Variants in PIKFYVE observed in about 807,000 individuals in gnomAD.
PIKFYVE encodes the protein 1-phosphatidylinositol 3-phosphate 5-kinase.
PIKFYVE carries 122 observed loss-of-function variants against 257.9 expected under a neutral mutation model. That is an observed-to-expected ratio of 0.47 (90% CI 0.41 to 0.55). The LOEUF (loss-of-function observed/expected upper bound fraction) is 0.55. PIKFYVE is among the 20% of genes least tolerant of loss of function. The probability of loss-of-function intolerance (pLI) is 0.00; values close to 1 mark genes in which losing one functional copy is unlikely to be tolerated. For synonymous variants in PIKFYVE, 892 were observed against 868.9 expected (o/e 1.03, Z -0.47); for missense variants, 2,160 against 2,536.6 (o/e 0.85, Z 3.19).
chr2:208,280,320 T>C (rs557960037), intron 5 of PIKFYVE, among the ~76,000 whole-genome samples: 9 of 152,284 alleles, frequency 5.9e-5, no homozygotes, highest in African/African-American at 2.2e-4. Flanking sequence ...TCTAACTGTA[T>C]GTTCTAGAAC....
chr2:208,271,743 G>A, intron 2 of PIKFYVE, 52 bp downstream of exon 2: 1 of 1,553,168 alleles, frequency 6.4e-7, no homozygotes, highest in Non-Finnish European at 8.9e-7. Flanking sequence ...TGTTTGAAAT[G>A]CTCCTTTGTC....
intron 28 of PIKFYVE, 55 bp downstream of exon 28, chr2:208,336,983 C>T: frequency 7.7e-7 from 1 of 1,302,544 alleles, no homozygotes; most frequent in Non-Finnish European, 1.1e-6. Context: ...TAGTTAGTTT[C>T]ATTTATAATA....
Position 208,353,686 on chromosome 2 carries a change from T to C in PIKFYVE, c.5845-212T>C, listed in dbSNP as rs750889360. Among the ~76,000 whole-genome samples the C allele has an allele frequency of 5.3e-5, 8 of 152,176 alleles. No homozygotes were observed. The East Asian group carries it at 5.8e-4, about 11-fold the overall frequency. On this transcript the variant is annotated intron_variant, in intron 39 of 41. Coordinates refer to ENST00000264380, the MANE Select transcript of PIKFYVE (RefSeq NM_015040.4). The stretch of plus-strand genomic sequence containing the variant: ...GTACCTAGGTGTTAATTTTAAATGA[T>C]AGAATTATGTTACTGTGTATTTTAT...
At chr2:208,353,749 A>G in intron 39 of PIKFYVE, 149 bp from the exon 40 acceptor site, 2 of 923,278 alleles carry the variant, frequency 2.2e-6, no homozygotes, top group Non-Finnish European at 1.6e-6. Flanking sequence ...TTAAAAACTT[A>G]AAAATTATGA....
In PIKFYVE at chr2:208,318,033, A is replaced by T. The variant is rs540642150; in HGVS notation, c.2082+92A>T. ...GGCACCTTAGTTATGGAAGAAATGG[A>T]CAATGGACAATGAAAGGCAGCTGTG... On this transcript the variant is annotated intron_variant, in intron 16 of 41. Coordinates refer to ENST00000264380, the MANE Select transcript of PIKFYVE (RefSeq NM_015040.4). 4 of 1,290,164 alleles carry T rather than the reference A, an allele frequency of 3.1e-6. No individual in the cohort carries two copies. In the South Asian group the frequency reaches 3.6e-5, roughly 11 times the overall value. The allele number at this position is 1,290,164 out of a possible 1,614,324, so 79.9% of individuals were successfully genotyped here.
Position 208,355,942 on chromosome 2 carries a change from C to T in PIKFYVE, c.*637C>T, listed in dbSNP as rs563346457. The T allele has an allele frequency of 7.2e-5, 11 of 152,690 alleles. No individual in the cohort carries two copies. Among genetic ancestry groups the T allele is most frequent in the African/African-American group, 2.6e-4 (11 of 41,526 alleles). The allele number at this position is 152,690 out of a possible 1,614,324, so 9.5% of individuals were successfully genotyped here. ...TGATGTTTTTAAAATTTTGTCTTCT[C>T]TGTGGAAGACAGGAGGCTACAGCAA... On this transcript the variant is annotated 3_prime_UTR_variant, in exon 42 of 42. Transcript: ENST00000264380.
intron 22 of PIKFYVE, 98 bp downstream of exon 22, chr2:208,330,011 A>C (rs1697337797): frequency 1.3e-6 from 2 of 1,492,494 alleles, no homozygotes; most frequent in African/African-American, 2.8e-5. Context: ...AGTGACTGTT[A>C]CATGATCCTC....
At position 208,304,152 on chromosome 2, in the gene PIKFYVE, C is replaced by G; in HGVS notation, c.1321-19C>G. 1 of 1,613,720 alleles carries G rather than the reference C, an allele frequency of 6.2e-7. No homozygotes were observed. The highest frequency in any genetic ancestry group is 8.5e-7 in the Non-Finnish European group (1 of 1,179,710). On this transcript the variant is annotated intron_variant, in intron 10 of 41. Coordinates refer to ENST00000264380, the MANE Select transcript of PIKFYVE (RefSeq NM_015040.4). ...GCCATTGAAGGCCAATTGCTTGGAT[C>G]CTGTCTTCATCCTTTCAGAGTACAG...
At chr2:208,271,764 C>T (rs1689448563) in intron 2 of PIKFYVE, 73 bp downstream of exon 2, 1 of 1,418,040 alleles carries the variant, frequency 7.1e-7, no homozygotes, top group Admixed American at 1.8e-5. Flanking sequence ...TCCAGTGGCT[C>T]ACCATGATCA....
At chr2:208,300,872 A>C in intron 8 of PIKFYVE, 65 bp from the exon 9 acceptor site, 1 of 1,597,754 alleles carries the variant, frequency 6.3e-7, no homozygotes. Context: ...AATCACAGGA[A>C]AACATCTGAA....
intron 12 of PIKFYVE, among the ~76,000 whole-genome samples, chr2:208,308,556 A>C (rs576191494): frequency 1.2e-4 from 18 of 152,180 alleles, no homozygotes; most frequent in African/African-American, 4.3e-4. Context: ...TCTGAATGAA[A>C]CTTTTTACCC....
At chr2:208,330,154 G>C (rs1199392649) in intron 22 of PIKFYVE, among the ~76,000 whole-genome samples, 1 of 151,944 alleles carries the variant, frequency 6.6e-6, no homozygotes, top group Non-Finnish European at 1.5e-5. Context: ...ACATTTTTCG[G>C]ATACCTGTTT....
At chr2:208,330,373 C>A in intron 22 of PIKFYVE, 150 bp from the exon 23 acceptor site, 1 of 879,654 alleles carries the variant, frequency 1.1e-6, no homozygotes, top group Non-Finnish European at 1.8e-6. Context: ...GAAACTATCA[C>A]CGTGCTGTAG....
At chr2:208,273,851 C>G in intron 3 of PIKFYVE, 118 bp downstream of exon 3, 1 of 1,416,812 alleles carries the variant, frequency 7.1e-7, no homozygotes, top group East Asian at 2.3e-5. Context: ...TAGTAAGATA[C>G]TATTTGAAAT....
Position 208,333,297 on chromosome 2 carries a change from A to C in PIKFYVE, c.3964-18A>C, listed in dbSNP as rs773646150. 1 of 1,612,472 alleles carries C rather than the reference A, an allele frequency of 6.2e-7. No homozygotes were observed. The highest frequency in any genetic ancestry group is 1.1e-5 in the South Asian group (1 of 90,928). On this transcript the variant is annotated intron_variant, in intron 23 of 41. Transcript: ENST00000264380. Reference sequence around the variant, plus strand: ...TTCTCAATATGTGATTAGGTAAACTATTTTTGCTGAATTCCAGGTAACACC... The same window carrying C: ...TTCTCAATATGTGATTAGGTAAACTCTTTTTGCTGAATTCCAGGTAACACC...
At chr2:208,281,905 A>G (rs905000846) in intron 5 of PIKFYVE, among the ~76,000 whole-genome samples, 1 of 152,190 alleles carries the variant, frequency 6.6e-6, no homozygotes, top group African/African-American at 2.4e-5. Context: ...ATTTTTAACA[A>G]TCTTAGCACT....
chr2:208,314,899 GAAAA>G (rs1359434565), intron 14 of PIKFYVE, among the ~76,000 whole-genome samples: 2 of 19,044 alleles, frequency 1.1e-4, no homozygotes, highest in African/African-American at 1.4e-4. Context: ...TCGTCTCAGA[GAAAA>G]AAAACAAAAA....
chr2:208,304,757 A>G, intron 11 of PIKFYVE, 89 bp from the exon 12 acceptor site: 2 of 1,325,106 alleles, frequency 1.5e-6, no homozygotes, highest in South Asian at 1.2e-5. Context: ...TTAAAAAAAC[A>G]TTTTTCTCCT....
chr2:208,271,650 C>T lies in PIKFYVE; in HGVS notation c.131C>T (p.Ser44Leu). 6.2e-7 allele frequency: 1 copy of T among 1,613,922 alleles called. No individual in the cohort carries two copies. ...GATCAAGATGAGCCCCCTTTTAAAT[C>T]AGCTTATAGTTCTTTTGTAAATCTC... ...TPDQDEPPFK[S>L]AYSSFVNLFR... The change falls in exon 2 of 42, where the codon TCA becomes TTA. Residue 44 changes from serine to leucine, a missense_variant. Around this residue, in one of 12 missense-constraint regions of PIKFYVE, gnomAD observed 172 missense variants for 180.6 expected, o/e 0.95. Transcript: ENST00000264380.
Sources: gnomAD v4.1 joint callset for allele counts (sites outside exome capture counted in the v4.1 genomes callset) on GRCh38, gnomAD v4.1.1 for gene constraint, gnomAD v4.1.1 regional missense constraint, MANE v1.5 for transcripts, NCBI Gene and HGNC (gene_info 2026-07-23, HGNC 2026-07-21) for gene names.